The following DNMT1 variants were observed in gnomAD, a reference collection of about 807,000 sequenced individuals.
DNMT1 encodes the protein DNA methyltransferase 1, also known as DNA (cytosine-5)-methyltransferase 1.
Under a neutral mutation model 205.3 loss-of-function variants are expected in DNMT1, and 24 were observed. The observed-to-expected ratio is 0.12, with a 90% CI of 0.08 to 0.16. DNMT1 has a LOEUF of 0.16. Among genes scored for constraint, DNMT1 ranks in the 10% least tolerant of loss-of-function variants. The pLI is 1.00. For missense variants in DNMT1, 1,293 were observed against 2,177.7 expected (o/e 0.59, Z 8.09); for synonymous variants, 817 against 839.8 (o/e 0.97, Z 0.47).
intron 8 of DNMT1, 127 bp downstream of exon 8, chr19:10,173,744 G>C: frequency 1.0e-6 from 1 of 971,808 alleles, no homozygotes; most frequent in African/African-American, 1.6e-5. Context: ...CGCCCATCTT[G>C]GCCTCCCAAA....
intron 28 of DNMT1, 145 bp from the exon 29 acceptor site, chr19:10,144,132 G>A: frequency 1.1e-6 from 1 of 870,684 alleles, no homozygotes. Flanking sequence ...GATTTAGGCT[G>A]GGCATTGTGG....
In DNMT1 at chr19:10,185,489, T is replaced by A. The variant is rs2039160880; in HGVS notation, c.81-3412A>T. ...TAGCACCCTACAAACACAGTGGTAA[T>A]ATAGACTGTATATTATATATACTGT... On this transcript the variant is annotated intron_variant, in intron 1 of 40. Coordinates refer to ENST00000359526, the MANE Select transcript of DNMT1 (RefSeq NM_001130823.3). Among the ~76,000 whole-genome samples the A allele has an allele frequency of 2.0e-5, 3 of 150,046 alleles. 1 individual carries two copies. The South Asian group carries it at 6.3e-4, about 31-fold the overall frequency.
chr19:10,180,114 G>A, intron 5 of DNMT1, 73 bp downstream of exon 5: 2 of 556,150 alleles, frequency 3.6e-6, no homozygotes, highest in South Asian at 2.0e-5. Flanking sequence ...AGGAGTTCTG[G>A]ACCAGCCTGG....
intron 28 of DNMT1, chr19:10,144,599 A>G (rs1599353036): frequency 6.0e-6 from 1 of 166,224 alleles, no homozygotes; most frequent in East Asian, 1.7e-4. Flanking sequence ...AGAGGATGTC[A>G]CTGCCTGGGG....
rs1568257433 is a variant in DNMT1 at position 10,183,123 on chromosome 19, A to ACACACG, written c.81-1047_81-1046insCGTGTG. On this transcript the variant is annotated intron_variant, in intron 1 of 40. Transcript: ENST00000359526. ...TATATATACGTGTGTATATATATAT[A>ACACACG]TATTTTTTTTTTTTGAGATAGGGTT... is the stretch of plus-strand genomic sequence containing the variant. Among the ~76,000 whole-genome samples, 19 of 126,436 alleles carry ACACACG rather than the reference A, an allele frequency of 1.5e-4. No homozygotes were observed. The Admixed American group carries it at 1.6e-3, about 10-fold the overall frequency. 82.9% of individuals were successfully genotyped at this position (126,436 alleles called of 152,430 possible).
At chr19:10,160,534 G>T in intron 13 of DNMT1, 116 bp from the exon 14 acceptor site, 3 of 1,168,356 alleles carry the variant, frequency 2.6e-6, no homozygotes, top group Non-Finnish European at 2.5e-6. Context: ...AGAAGGGGAG[G>T]GAGGCAGTGA....
intron 6 of DNMT1, among the ~76,000 whole-genome samples, chr19:10,176,614 T>C (rs1165052792): frequency 2.0e-5 from 3 of 152,276 alleles, no homozygotes; most frequent in Middle Eastern, 3.4e-3. Flanking sequence ...CCCCAGCACT[T>C]TGGGAGGTTG....
chr19:10,178,527 G>A (rs1322269117), intron 5 of DNMT1: 1 of 152,128 alleles, frequency 6.6e-6, no homozygotes, highest in Non-Finnish European at 1.5e-5. Context: ...GGGAGGCCGA[G>A]GCAGGTGGAT....
chr19:10,188,069 T>C (rs765916473), intron 1 of DNMT1, among the ~76,000 whole-genome samples: 19 of 152,282 alleles, frequency 1.2e-4, no homozygotes, highest in South Asian at 2.1e-4. Context: ...TAGAGCCCAG[T>C]GAGCTATAAT....
At chr19:10,191,299 A>T (rs1338174713) in intron 1 of DNMT1, among the ~76,000 whole-genome samples, 3 of 151,568 alleles carry the variant, frequency 2.0e-5, no homozygotes, top group African/African-American at 7.3e-5. Flanking sequence ...AAAAAAAAAA[A>T]TCTAAGTTTC....
rs1053592193 is a variant in DNMT1 at position 10,137,355 on chromosome 19, G to A, written c.4294-75C>T. The A allele has an allele frequency of 1.3e-5, 20 of 1,516,372 alleles. No homozygotes were observed. The African/African-American group carries it at 1.5e-4, about 11-fold the overall frequency. The allele number at this position is 1,516,372 out of a possible 1,614,324, so 93.9% of individuals were successfully genotyped here. ...AGCATCCATGGTGGGCTGGGAGCTG[G>A]GAACACCATGGTGACCAGGAAGCCC... is the stretch of plus-strand genomic sequence containing the variant. On this transcript the variant is annotated intron_variant, in intron 36 of 40. Coordinates refer to ENST00000359526, the MANE Select transcript of DNMT1 (RefSeq NM_001130823.3). This position sits in a 1 kb window ranked among gnomAD's most constrained non-coding sequence, Gnocchi z 6.4.
chr19:10,160,278 A>G, intron 14 of DNMT1, 106 bp downstream of exon 14: 1 of 1,566,466 alleles, frequency 6.4e-7, no homozygotes, highest in East Asian at 2.3e-5. Context: ...ATCCAAAATG[A>G]GCCTAAGGTT....
Position 10,140,024 on chromosome 19 carries a change from TG to T in DNMT1, c.3806+21del, listed in dbSNP as rs755024969. The T allele has an allele frequency of 1.2e-6, 2 of 1,604,992 alleles. No homozygotes were observed. The highest frequency in any genetic ancestry group is 1.7e-6 in the Non-Finnish European group (2 of 1,179,970). ...ACAGCCCCGGGCCGTCTGGCAACAC[TG>T]GGGGGCTTCTACCCGTTTACCTGAG... On this transcript the variant is annotated intron_variant, in intron 33 of 40. Coordinates refer to ENST00000359526, the MANE Select transcript of DNMT1 (RefSeq NM_001130823.3). This position sits in a 1 kb window ranked among gnomAD's most constrained non-coding sequence, Gnocchi z 8.4.
chr19:10,160,229 T>C, intron 14 of DNMT1, 155 bp downstream of exon 14: 4 of 1,506,070 alleles, frequency 2.7e-6, no homozygotes, highest in East Asian at 2.3e-5. Context: ...CGCAGGGGCA[T>C]CCTGCCTGAC....
chr19:10,155,115 C>G (rs2038429452), intron 19 of DNMT1, 59 bp from the exon 20 acceptor site: 1 of 1,608,502 alleles, frequency 6.2e-7, no homozygotes. Context: ...CCTACAGTGG[C>G]CACAGGGCAT....
rs1423184839 is a variant in DNMT1, at chr19:10,180,192, A to C, written c.488T>G (p.Ile163Ser). ...PPASASQVTG[I>S]RAEPSPSPRI... ...CTGGGTGTGGTGGCACATACCTCTA[A>C]TCCCAGTTACTTGGGAGGCTGAGGC... Residue 163 changes from isoleucine to serine, a missense_variant, in exon 5 of 41, where the codon ATT becomes AGT. By Grantham distance (142) the Ile-to-Ser change is moderately radical. Coordinates refer to ENST00000359526, the MANE Select transcript of DNMT1 (RefSeq NM_001130823.3). The C allele has an allele frequency of 2.1e-5, 18 of 851,608 alleles. 1 individual carries two copies. In the South Asian group the frequency reaches 2.6e-4, roughly 12 times the overall value. The allele number at this position is 851,608 out of a possible 1,614,324, so 52.8% of individuals were successfully genotyped here.
Position 10,173,193 on chromosome 19 carries a change from C to A in DNMT1, c.684-19G>T. On this transcript the variant is annotated intron_variant, in intron 8 of 40. Coordinates refer to ENST00000359526, the MANE Select transcript of DNMT1 (RefSeq NM_001130823.3). ...AGCAACTCTGTCAAGCAAAATAACA[C>A]AGACCCCAAGTGTGAGTGCCAGGAG... is the stretch of plus-strand genomic sequence containing the variant. The A allele has an allele frequency of 6.2e-7, 1 of 1,614,034 alleles. No homozygotes were observed. The highest frequency in any genetic ancestry group is 8.5e-7 in the Non-Finnish European group (1 of 1,179,912).
rs1449789849 is a variant in DNMT1, at chr19:10,143,873, G to T, written c.3009C>A (p.Ala1003=). 6.2e-7 allele frequency: 1 copy of T among 1,614,060 alleles called. No homozygotes were observed. The highest frequency in any genetic ancestry group is 1.3e-5 in the African/African-American group (1 of 74,924). The change falls in exon 29 of 41, where the codon GCC becomes GCA. Residue 1003 remains alanine (A), a synonymous_variant. Coordinates refer to ENST00000359526, the MANE Select transcript of DNMT1 (RefSeq NM_001130823.3). The part of the protein sequence containing the change: ...SDYIKGSNLD[A]PEPYRIGRIK... Reference sequence around the variant, plus strand: ...TCCGGCCAATTCGGTAGGGCTCAGGGGCATCCAGGTTGCTGCCTTTGATGT... The same window carrying T: ...TCCGGCCAATTCGGTAGGGCTCAGGTGCATCCAGGTTGCTGCCTTTGATGT...
intron 1 of DNMT1, among the ~76,000 whole-genome samples, chr19:10,183,001 ATG>A (rs2039102034): frequency 6.7e-6 from 1 of 150,312 alleles, no homozygotes; most frequent in South Asian, 2.1e-4. Context: ...ATACACGTAT[ATG>A]TGTGTATATA....
Sources: allele counts gnomAD v4.1 joint callset (sites outside exome capture counted in the v4.1 genomes callset), GRCh38; gene constraint gnomAD v4.1.1; non-coding constraint Gnocchi (gnomAD v3.1); transcripts MANE v1.5; gene names NCBI Gene and HGNC (gene_info 2026-07-23, HGNC 2026-07-21).